TGFBR3: variants seen among roughly 807,000 people sequenced by gnomAD.
TGFBR3 encodes the protein transforming growth factor beta receptor type 3.
Under a neutral mutation model 87.9 loss-of-function variants are expected in TGFBR3, and 46 were observed. That is an observed-to-expected ratio of 0.52 (90% CI 0.41 to 0.67). The LOEUF is 0.67. Among genes scored for constraint, TGFBR3 ranks in the 30% least tolerant of loss-of-function variants. The pLI is 0.00. For missense variants in TGFBR3, 866 were observed against 1,041.9 expected, an observed-to-expected ratio of 0.83 and a Z score of 2.32; for synonymous variants, 381 against 391.6, an observed-to-expected ratio of 0.97 and a Z score of 0.32.
At chr1:91,711,342 A>G (rs1671976292) in intron 13 of TGFBR3, among the ~76,000 whole-genome samples, 1 of 152,252 alleles carries the variant, frequency 6.6e-6, no homozygotes, top group Non-Finnish European at 1.5e-5. Flanking sequence ...GATGCAAGGA[A>G]TTCAGATCAA....
In TGFBR3 at chr1:91,901,941, A is replaced by G. The variant is rs868628166; in HGVS notation, c.-174-2244T>C. Among the ~76,000 whole-genome samples the G allele has an allele frequency of 4.5e-3, 560 of 123,800 alleles. 1 individual carries two copies. Among genetic ancestry groups the G allele is most frequent in the Non-Finnish European group, 8.0e-3 (439 of 54,878 alleles). The allele number at this position is 123,800 out of a possible 152,430, so 81.2% of individuals were successfully genotyped here. A position where few individuals can be genotyped will look rare whatever the true frequency, so the allele number is the denominator to read the frequency against. On this transcript the variant is annotated intron_variant, in intron 1 of 17. Transcript: ENST00000370399. Reference sequence around the variant, plus strand: ...CCTGACCCTCCCCCACCCCACCAAAAGAAAAAAAAAAAAACGGTATGTGTT... The same window carrying G: ...CCTGACCCTCCCCCACCCCACCAAAGGAAAAAAAAAAAAACGGTATGTGTT...
At chr1:91,841,523 A>G (rs1413143534) in intron 2 of TGFBR3, among the ~76,000 whole-genome samples, 3 of 152,224 alleles carry the variant, frequency 2.0e-5, no homozygotes, top group East Asian at 3.9e-4. Flanking sequence ...GGCCAGGCGC[A>G]GTGGCTTACA....
chr1:91,794,501 C>G (rs1435691134), intron 3 of TGFBR3, among the ~76,000 whole-genome samples: 1 of 143,204 alleles, frequency 7.0e-6, no homozygotes, highest in Non-Finnish European at 1.6e-5. Flanking sequence ...CCTCGCCCGG[C>G]CTCCACTTTT....
chr1:91,784,115 G>T (rs1055929553), intron 3 of TGFBR3, among the ~76,000 whole-genome samples: 4 of 152,180 alleles, frequency 2.6e-5, no homozygotes, highest in African/African-American at 9.7e-5. Flanking sequence ...CAAAGATTTA[G>T]AAATGGGCTA....
chr1:91,769,765 T>C (rs1674310779), intron 3 of TGFBR3, among the ~76,000 whole-genome samples: 1 of 151,962 alleles, frequency 6.6e-6, no homozygotes, highest in African/African-American at 2.4e-5. Context: ...CTCCACCAGA[T>C]ACAAAACCAA....
intron 15 of TGFBR3, among the ~76,000 whole-genome samples, chr1:91,696,454 C>A (rs574779540): frequency 6.6e-6 from 1 of 152,260 alleles, no homozygotes; most frequent in Middle Eastern, 3.4e-3. Flanking sequence ...ATAAGGGGAA[C>A]GGAAATACTT....
intron 2 of TGFBR3, among the ~76,000 whole-genome samples, chr1:91,842,908 T>C (rs1451679202): frequency 6.6e-6 from 1 of 152,036 alleles, no homozygotes; most frequent in Non-Finnish European, 1.5e-5. Flanking sequence ...AACAAAAAGT[T>C]GGGGGGCAGG....
chr1:91,832,357 TTTTAAATTTGCA>T (rs1676881770), intron 2 of TGFBR3, among the ~76,000 whole-genome samples: 3 of 83,196 alleles, frequency 3.6e-5, no homozygotes, highest in Non-Finnish European at 6.6e-5. Flanking sequence ...TGTACAGGAA[TTTTAAATTTGCA>T]TTTTTTCCCC....
intron 3 of TGFBR3, among the ~76,000 whole-genome samples, chr1:91,793,190 T>A (rs1217272548): frequency 6.7e-6 from 1 of 148,534 alleles, no homozygotes; most frequent in South Asian, 2.2e-4. Flanking sequence ...GTAGGCTCTG[T>A]CACCGCCTCT....
At chr1:91,832,119 A>G (rs931594664) in intron 2 of TGFBR3, among the ~76,000 whole-genome samples, 3 of 152,200 alleles carry the variant, frequency 2.0e-5, no homozygotes, top group African/African-American at 4.8e-5. Flanking sequence ...GTAAAGGTAA[A>G]GCTTAGATAA....
chr1:91,886,685 G>A (rs140091950), upstream of TGFBR3, among the ~76,000 whole-genome samples: 160 of 152,252 alleles, frequency 1.1e-3, no homozygotes, highest in Non-Finnish European at 2.0e-3. Flanking sequence ...TTCTGTCCCT[G>A]TGCTTTTTCC....
At chr1:91,818,278 CTTTTTTTTTTTT>C (rs760050197) in intron 2 of TGFBR3, among the ~76,000 whole-genome samples, 1 of 32,458 alleles carries the variant, frequency 3.1e-5, no homozygotes, top group African/African-American at 9.9e-5. Flanking sequence ...TAGCCCCAGC[CTTTTTTTTTTTT>C]TTTTTTTTTT....
intron 1 of TGFBR3, chr1:91,864,324 C>A (rs1404491813): frequency 6.6e-6 from 1 of 152,164 alleles, no homozygotes; most frequent in Non-Finnish European, 1.5e-5. Context: ...ATATAGGCTG[C>A]AAATTGCTGA....
At chr1:91,884,507 TGG>T (rs1271449328) in intron 1 of TGFBR3, among the ~76,000 whole-genome samples, 2 of 152,144 alleles carry the variant, frequency 1.3e-5, no homozygotes, top group Non-Finnish European at 2.9e-5. Context: ...AGCTGAAAGA[TGG>T]GAGAAGATGC....
At chr1:91,854,713 A>G (rs2489170) in intron 2 of TGFBR3, among the ~76,000 whole-genome samples, 18,927 of 152,018 alleles carry the variant, frequency 0.12, 1,471 homozygotes, top group East Asian at 0.39. Flanking sequence ...TACACCATAA[A>G]TATATACAAT....
At chr1:91,833,612 A>G (rs747184155) in intron 2 of TGFBR3, among the ~76,000 whole-genome samples, 4 of 151,710 alleles carry the variant, frequency 2.6e-5, no homozygotes, top group Non-Finnish European at 1.5e-5. Context: ...TACTAAAAAT[A>G]AAAATTAAAA....
intron 2 of TGFBR3, among the ~76,000 whole-genome samples, chr1:91,892,871 A>G (rs1027111896): frequency 6.6e-6 from 1 of 152,224 alleles, no homozygotes. Context: ...TATTTCATCC[A>G]AAAAGTTCAC....
chr1:91,856,880 C>A (rs2101170446), intron 2 of TGFBR3, among the ~76,000 whole-genome samples: 1 of 152,316 alleles, frequency 6.6e-6, no homozygotes, highest in African/African-American at 2.4e-5. Flanking sequence ...AGAGAAGGAT[C>A]TAGTGGTTGA....
intron 2 of TGFBR3, among the ~76,000 whole-genome samples, chr1:91,894,312 CTT>C (rs1413058657): frequency 6.6e-6 from 1 of 152,138 alleles, no homozygotes; most frequent in Non-Finnish European, 1.5e-5. Flanking sequence ...CCTCAGATTT[CTT>C]TCTTTCCTGG....
Sources: allele counts gnomAD v4.1 joint callset (sites outside exome capture counted in the v4.1 genomes callset), GRCh38; gene constraint gnomAD v4.1.1; transcripts MANE v1.5; gene names NCBI Gene and HGNC (gene_info 2026-07-23, HGNC 2026-07-21).